POC1B: variants seen among roughly 807,000 people sequenced by gnomAD.
POC1B encodes the protein POC1 centriolar protein B.
In POC1B, 44 loss-of-function variants were observed where a neutral mutation model predicts 60.6. The ratio of observed to expected loss-of-function variants is 0.73; its 90% CI spans 0.57 to 0.93. The LOEUF (loss-of-function observed/expected upper bound fraction) is 0.93, where lower values mean the gene tolerates loss of function less well. POC1B is among the 40% of genes least tolerant of loss of function. The pLI, the probability that POC1B is intolerant of heterozygous loss-of-function variation, is 0.00. For synonymous variants in POC1B, 180 were observed against 198.9 expected (o/e 0.90, Z 0.80); for missense variants, 555 against 572.3 (o/e 0.97, Z 0.31).
chr12:89,495,309 G>C (rs1447107283), intron 3 of POC1B, among the ~76,000 whole-genome samples: 2 of 152,154 alleles, frequency 1.3e-5, no homozygotes, highest in African/African-American at 4.8e-5. Context: ...CAAAGTTAAG[G>C]GTTTTGGAAC....
At chr12:89,466,958 C>T in intron 8 of POC1B, 36 bp from the exon 9 acceptor site, 1 of 1,579,488 alleles carries the variant, frequency 6.3e-7, no homozygotes, top group African/African-American at 1.4e-5. Flanking sequence ...CAGTTATTGA[C>T]TTGCATGTAC....
At chr12:89,458,574 G>A (rs1482006561) in intron 10 of POC1B, among the ~76,000 whole-genome samples, 1 of 152,140 alleles carries the variant, frequency 6.6e-6, no homozygotes, top group Admixed American at 6.6e-5. Context: ...GATTAACACT[G>A]AAAGGACCCT....
rs184942836 is a variant in POC1B at position 89,446,246 on chromosome 12, A to C, written c.1113+13392T>G. On this transcript the variant is annotated intron_variant, in intron 10 of 11. Transcript: ENST00000313546. ...AAATACCATTTGACCCAGCCATCCC[A>C]TTACTGGGTATATACCCAAAGGACT... Among the ~76,000 whole-genome samples the C allele has an allele frequency of 2.7e-3, 412 of 152,322 alleles. 2 individuals carry two copies. The highest frequency in any genetic ancestry group is 9.4e-3 in the African/African-American group (391 of 41,560).
intron 2 of POC1B, chr12:89,500,301 G>C: frequency 4.6e-6 from 7 of 1,532,524 alleles, no homozygotes; most frequent in Non-Finnish European, 6.3e-6. Flanking sequence ...AAAGACACTT[G>C]TATTCAGTCA....
At chr12:89,520,404 T>A (rs1870750456) in intron 2 of POC1B, 1 of 151,662 alleles carries the variant, frequency 6.6e-6, no homozygotes, top group Non-Finnish European at 1.5e-5. Context: ...AAAGAGAAAA[T>A]TTAAAAATAA....
intron 10 of POC1B, among the ~76,000 whole-genome samples, chr12:89,447,400 C>G (rs1451423629): frequency 6.6e-6 from 1 of 152,018 alleles, no homozygotes; most frequent in Non-Finnish European, 1.5e-5. Flanking sequence ...TAAAAGTGTA[C>G]ATATCTTGAA....
chr12:89,466,222 A>G (rs1343426766), intron 9 of POC1B, among the ~76,000 whole-genome samples: 2 of 152,368 alleles, frequency 1.3e-5, no homozygotes, highest in East Asian at 1.9e-4. Context: ...TGCTTAAATC[A>G]TAACACTTAA....
chr12:89,458,838 A>G (rs748521326), intron 10 of POC1B, among the ~76,000 whole-genome samples: 2 of 152,238 alleles, frequency 1.3e-5, no homozygotes, highest in Non-Finnish European at 2.9e-5. Flanking sequence ...ACTGACTAGC[A>G]GGATCAACTG....
chr12:89,520,664 A>G (rs1411412149), intron 2 of POC1B: 9 of 152,206 alleles, frequency 5.9e-5, no homozygotes, highest in Admixed American at 5.9e-4. Flanking sequence ...ATTGCATAGC[A>G]ATTTTATTTT....
chr12:89,461,370 T>C (rs1196796101), intron 9 of POC1B: 4 of 152,156 alleles, frequency 2.6e-5, no homozygotes, highest in African/African-American at 4.8e-5. Context: ...AGTGGAAGAA[T>C]GCTGACATAC....
At chr12:89,452,125 G>C (rs1016977809) in intron 10 of POC1B, among the ~76,000 whole-genome samples, 1 of 152,166 alleles carries the variant, frequency 6.6e-6, no homozygotes, top group Non-Finnish European at 1.5e-5. Context: ...GTTGTTACTG[G>C]ATGTGTGGGC....
chr12:89,499,196 GTCT>G (rs1197265397), intron 2 of POC1B, among the ~76,000 whole-genome samples: 1 of 152,254 alleles, frequency 6.6e-6, no homozygotes, highest in East Asian at 1.9e-4. Context: ...TGGGAGGTGT[GTCT>G]TCTTCTTCTA....
the POC1B span, among the ~76,000 whole-genome samples, chr12:89,405,960 TAA>T: frequency 7.1e-6 from 1 of 140,620 alleles, no homozygotes; most frequent in Non-Finnish European, 1.5e-5. Flanking sequence ...TCCTATCCCT[TAA>T]AAAAAAAAAA....
chr12:89,497,017 G>T, intron 3 of POC1B, 154 bp downstream of exon 3: 1 of 713,650 alleles, frequency 1.4e-6, no homozygotes, highest in Non-Finnish European at 2.2e-6. Flanking sequence ...GAAAAAAATT[G>T]TATGAATTAG....
Position 89,419,955 on chromosome 12 carries a change from G to C in POC1B, c.*1198C>G, listed in dbSNP as rs1410288090. On this transcript the variant is annotated 3_prime_UTR_variant, in exon 12 of 12. Transcript: ENST00000313546. ...TCATAGATACAATTGAAATTTCTTT[G>C]AGAAAAATTTCTAAATATAGAAATA... 2.6e-5 allele frequency: 4 copies of C among 152,082 alleles called. No individual in the cohort carries two copies. The highest frequency in any genetic ancestry group is 4.4e-5 in the Non-Finnish European group (3 of 68,002). 9.4% of individuals were successfully genotyped at this position (152,082 alleles called of 1,614,324 possible).
intron 2 of POC1B, among the ~76,000 whole-genome samples, chr12:89,516,795 T>C (rs888329344): frequency 6.6e-6 from 1 of 152,168 alleles, no homozygotes; most frequent in Non-Finnish European, 1.5e-5. Flanking sequence ...CTCTCCCAGG[T>C]CCTGATGTCT....
chr12:89,480,668 C>T (rs1233172898), intron 4 of POC1B, among the ~76,000 whole-genome samples: 1 of 141,658 alleles, frequency 7.1e-6, no homozygotes, highest in African/African-American at 2.7e-5. Context: ...GGCAAGATCT[C>T]GGCTCACTGC....
At chr12:89,417,419 G>A (rs528495132), downstream of POC1B, among the ~76,000 whole-genome samples, 2 of 152,102 alleles carry the variant, frequency 1.3e-5, no homozygotes, top group Non-Finnish European at 2.9e-5. Flanking sequence ...CCTTATAAAA[G>A]TTTTCCCCTT....
At chr12:89,509,872 G>T (rs1182078615) in intron 2 of POC1B, among the ~76,000 whole-genome samples, 1 of 152,150 alleles carries the variant, frequency 6.6e-6, no homozygotes, top group Admixed American at 6.5e-5. Context: ...TTGCGACAGA[G>T]TCTCACTCTG....
Sources: allele counts gnomAD v4.1 joint callset (sites outside exome capture counted in the v4.1 genomes callset), GRCh38; gene constraint gnomAD v4.1.1; transcripts MANE v1.5; gene names NCBI Gene and HGNC (gene_info 2026-07-23, HGNC 2026-07-21).